WWOX: variants seen among roughly 807,000 people sequenced by gnomAD.
The protein encoded by WWOX is WW domain containing oxidoreductase.
In WWOX, 69 loss-of-function variants were observed where a neutral mutation model predicts 46.2. The observed-to-expected ratio is 1.49, with a 90% CI of 1.23 to 1.82. The LOEUF (loss-of-function observed/expected upper bound fraction) is 1.82, where lower values mean the gene tolerates loss of function less well. WWOX is among the 40% of genes most tolerant of loss of function. The pLI, the probability that WWOX is intolerant of heterozygous loss-of-function variation, is 0.00. For missense variants in WWOX, 919 were observed against 542.6 expected (o/e 1.69, Z -6.89); for synonymous variants, 359 against 202.6 (o/e 1.77, Z -6.56).
chr16:78,314,716 T>G (rs1369038175), intron 5 of WWOX, among the ~76,000 whole-genome samples: 1 of 139,262 alleles, frequency 7.2e-6, no homozygotes, highest in African/African-American at 2.9e-5. Context: ...TTTTTTTTTT[T>G]TTTTTCTGTA....
intron 5 of WWOX, among the ~76,000 whole-genome samples, chr16:78,382,945 G>C (rs888319566): frequency 6.6e-6 from 1 of 151,716 alleles, no homozygotes; most frequent in Non-Finnish European, 1.5e-5. Flanking sequence ...TTCTGCTTCT[G>C]GATAGGCCTT....
At chr16:78,638,532 C>G (rs573416000) in intron 8 of WWOX, among the ~76,000 whole-genome samples, 1 of 152,264 alleles carries the variant, frequency 6.6e-6, no homozygotes, top group African/African-American at 2.4e-5. Flanking sequence ...CTGGCCTGTA[C>G]CTGCCTTTTC....
intron 8 of WWOX, among the ~76,000 whole-genome samples, chr16:78,800,776 G>A (rs975738796): frequency 6.6e-6 from 1 of 152,160 alleles, no homozygotes; most frequent in Admixed American, 6.5e-5. Context: ...GTCTGGGTCT[G>A]TGTCAGGCAT....
intron 8 of WWOX, among the ~76,000 whole-genome samples, chr16:79,095,218 C>T (rs1157570111): frequency 1.3e-5 from 2 of 152,140 alleles, no homozygotes; most frequent in East Asian, 3.9e-4. Context: ...TCTACCCCAA[C>T]AGGGCTTTCT....
chr16:78,188,023 G>T (rs768965390), intron 5 of WWOX, among the ~76,000 whole-genome samples: 2 of 152,124 alleles, frequency 1.3e-5, no homozygotes, highest in Non-Finnish European at 2.9e-5. Flanking sequence ...TTCCTTACTA[G>T]AGTTATGAGA....
At chr16:78,959,937 T>A (rs1211218795) in intron 8 of WWOX, among the ~76,000 whole-genome samples, 1 of 152,166 alleles carries the variant, frequency 6.6e-6, no homozygotes, top group African/African-American at 2.4e-5. Context: ...GTAATTCTCA[T>A]TTGCAACCAA....
At chr16:78,501,225 A>T (rs2085059717) in intron 8 of WWOX, among the ~76,000 whole-genome samples, 1 of 49,136 alleles carries the variant, frequency 2.0e-5, no homozygotes, top group Admixed American at 3.6e-4. Flanking sequence ...TTTTTGGAGC[A>T]GCACCTGCAT....
Position 78,746,123 on chromosome 16 carries a change from C to G in WWOX, c.1056+313371C>G, listed in dbSNP as rs2049342182. Reference sequence around the variant, plus strand: ...AACCAGCATGTGATTTGTCCAAGGACATCGTTTTGATATGATGAACCATGG... The same window carrying G: ...AACCAGCATGTGATTTGTCCAAGGAGATCGTTTTGATATGATGAACCATGG... On this transcript the variant is annotated intron_variant, in intron 8 of 8. Coordinates refer to ENST00000566780, the MANE Select transcript of WWOX (RefSeq NM_016373.4). Among the ~76,000 whole-genome samples the G allele has an allele frequency of 2.6e-5, 4 of 152,280 alleles. No individual in the cohort carries two copies. The South Asian group carries it at 8.3e-4, about 32-fold the overall frequency.
chr16:79,086,706 C>G (rs537282541), intron 8 of WWOX, among the ~76,000 whole-genome samples: 33 of 152,224 alleles, frequency 2.2e-4, no homozygotes, highest in Middle Eastern at 3.4e-3. Flanking sequence ...CATAGGGAGA[C>G]TCTGTCTCTA....
intron 5 of WWOX, among the ~76,000 whole-genome samples, chr16:78,332,623 G>A (rs1395679572): frequency 6.6e-6 from 1 of 152,130 alleles, no homozygotes; most frequent in Admixed American, 6.6e-5. Flanking sequence ...TTTTTGGGTG[G>A]TTAATGATCT....
At chr16:78,223,358 T>C (rs1002308415) in intron 5 of WWOX, among the ~76,000 whole-genome samples, 17 of 152,178 alleles carry the variant, frequency 1.1e-4, no homozygotes, top group African/African-American at 4.1e-4. Flanking sequence ...AAGTCAATAG[T>C]GCTGAGGCTG....
intron 5 of WWOX, among the ~76,000 whole-genome samples, chr16:78,226,758 C>T (rs1370688210): frequency 2.0e-5 from 3 of 151,992 alleles, no homozygotes; most frequent in Non-Finnish European, 4.4e-5. Context: ...CTGATGGGCA[C>T]ACTATTACAG....
At chr16:78,862,103 T>C (rs1427206109) in intron 8 of WWOX, among the ~76,000 whole-genome samples, 1 of 152,028 alleles carries the variant, frequency 6.6e-6, no homozygotes, top group Non-Finnish European at 1.5e-5. Flanking sequence ...TGTCTGTATC[T>C]ATACACACAC....
intron 6 of WWOX, among the ~76,000 whole-genome samples, chr16:78,409,876 C>G (rs2082636256): frequency 6.6e-6 from 1 of 152,190 alleles, no homozygotes; most frequent in African/African-American, 2.4e-5. Flanking sequence ...GGGAAAGGAT[C>G]TCAGGACTGT....
chr16:78,879,083 A>C (rs1313297838), intron 8 of WWOX, among the ~76,000 whole-genome samples: 1 of 152,044 alleles, frequency 6.6e-6, no homozygotes, highest in Non-Finnish European at 1.5e-5. Flanking sequence ...GGAGGGAAGG[A>C]GGAATTTACT....
chr16:78,257,392 G>A (rs1399778056), intron 5 of WWOX, among the ~76,000 whole-genome samples: 1 of 152,136 alleles, frequency 6.6e-6, no homozygotes, highest in Non-Finnish European at 1.5e-5. Flanking sequence ...TGATGGATTC[G>A]GGGAATGCCA....
intron 5 of WWOX, among the ~76,000 whole-genome samples, chr16:78,307,808 T>C (rs1485597215): frequency 6.6e-6 from 1 of 152,188 alleles, no homozygotes; most frequent in East Asian, 1.9e-4. Flanking sequence ...CTGCCCTCCT[T>C]GCTCTCCTTA....
intron 8 of WWOX, among the ~76,000 whole-genome samples, chr16:78,742,373 G>T (rs955005236): frequency 1.9e-4 from 29 of 152,176 alleles, no homozygotes; most frequent in African/African-American, 6.3e-4. Flanking sequence ...TTCTAGCTCT[G>T]GCTCAGGTTA....
At chr16:78,221,322 A>C (rs1185122398) in intron 5 of WWOX, among the ~76,000 whole-genome samples, 1 of 152,190 alleles carries the variant, frequency 6.6e-6, no homozygotes, top group African/African-American at 2.4e-5. Flanking sequence ...ATAAAACAGA[A>C]AGATTCCTAT....
Sources: gnomAD v4.1 joint callset for allele counts (sites outside exome capture counted in the v4.1 genomes callset) on GRCh38, gnomAD v4.1.1 for gene constraint, MANE v1.5 for transcripts, NCBI Gene and HGNC (gene_info 2026-07-23, HGNC 2026-07-21) for gene names.